Variants in KCNMB2 observed in about 807,000 individuals in gnomAD.
KCNMB2 encodes potassium calcium-activated channel subfamily M regulatory beta subunit 2, also known as calcium-activated potassium channel subunit beta-2.
KCNMB2 carries 9 observed loss-of-function variants against 24.5 expected under a neutral mutation model. The ratio of observed to expected loss-of-function variants is 0.37; its 90% confidence interval spans 0.22 to 0.64. The LOEUF (loss-of-function observed/expected upper bound fraction) is 0.64. Among genes scored for constraint, KCNMB2 ranks in the 30% least tolerant of loss-of-function variants. The pLI, the probability that KCNMB2 is intolerant of heterozygous loss-of-function variation, is 0.63. For synonymous variants in KCNMB2, 109 were observed against 104.4 expected (o/e 1.04, Z -0.27); for missense variants, 226 against 284.3 (o/e 0.79, Z 1.47).
intron 2 of KCNMB2, among the ~76,000 whole-genome samples, chr3:178,823,092 C>A (rs73183347): frequency 1.8e-4 from 28 of 152,296 alleles, no homozygotes; most frequent in Non-Finnish European, 3.5e-4. Flanking sequence ...AAGCTTTCAG[C>A]CCACTGGCTT....
chr3:178,823,776 A>C (rs1287869126), intron 2 of KCNMB2, among the ~76,000 whole-genome samples: 2 of 152,166 alleles, frequency 1.3e-5, no homozygotes, highest in African/African-American at 4.8e-5. Context: ...AACAACAGGC[A>C]TATCTTCCCT....
At chr3:178,833,058 TTTC>T (rs2108473334) in intron 4 of KCNMB2, among the ~76,000 whole-genome samples, 2 of 22,934 alleles carry the variant, frequency 8.7e-5, no homozygotes, top group East Asian at 3.3e-4. Flanking sequence ...CCAAAAATTA[TTTC>T]CACTTACTTC....
At chr3:178,768,096 T>G (rs1712198099) in intron 1 of KCNMB2, among the ~76,000 whole-genome samples, 1 of 152,044 alleles carries the variant, frequency 6.6e-6, no homozygotes, top group African/African-American at 2.4e-5. Context: ...GAAGATAGAT[T>G]CCCCCAGAAC....
At chr3:178,696,115 C>T (rs1161152076) in intron 1 of KCNMB2, among the ~76,000 whole-genome samples, 1 of 152,162 alleles carries the variant, frequency 6.6e-6, no homozygotes, top group Non-Finnish European at 1.5e-5. Flanking sequence ...CATATGGCAG[C>T]AGGAAGGAGA....
chr3:178,820,713 TA>T (rs1311216362), intron 2 of KCNMB2: 3 of 152,634 alleles, frequency 2.0e-5, no homozygotes, highest in African/African-American at 7.2e-5. Flanking sequence ...CTAGGTTGAC[TA>T]ATGCTTGGCG....
chr3:178,634,688 A>C (rs1306541413), intron 1 of KCNMB2, among the ~76,000 whole-genome samples: 1 of 152,088 alleles, frequency 6.6e-6, no homozygotes, highest in Middle Eastern at 3.2e-3. Context: ...ACAGAGCAAA[A>C]CCCAATGCTA....
chr3:178,804,139 AAAT>A (rs1168363839), intron 1 of KCNMB2, among the ~76,000 whole-genome samples: 1 of 152,182 alleles, frequency 6.6e-6, no homozygotes, highest in Non-Finnish European at 1.5e-5. Context: ...CCAAATTACA[AAAT>A]TGTGTAAAGT....
At chr3:178,830,116 T>C (rs1714997470) in intron 4 of KCNMB2, among the ~76,000 whole-genome samples, 1 of 152,176 alleles carries the variant, frequency 6.6e-6, no homozygotes, top group Non-Finnish European at 1.5e-5. Context: ...ACTTTCTTAC[T>C]TTCCTTTGTA....
intron 1 of KCNMB2, among the ~76,000 whole-genome samples, chr3:178,656,111 T>TA (rs1221902452): frequency 1.3e-5 from 2 of 152,190 alleles, no homozygotes; most frequent in Non-Finnish European, 2.9e-5. Context: ...AAAACAGGCT[T>TA]ACCTATCAAT....
At chr3:178,735,772 C>A (rs1416752809) in intron 1 of KCNMB2, among the ~76,000 whole-genome samples, 1 of 152,070 alleles carries the variant, frequency 6.6e-6, no homozygotes, top group Admixed American at 6.6e-5. Flanking sequence ...CAGAATCAGT[C>A]AGAAGTGCAA....
At chr3:178,811,441 T>C (rs1714188499) in intron 2 of KCNMB2, among the ~76,000 whole-genome samples, 1 of 152,218 alleles carries the variant, frequency 6.6e-6, no homozygotes, top group South Asian at 2.1e-4. Flanking sequence ...ATCCAAATGT[T>C]TGGAGACTTC....
At chr3:178,827,412 G>A (rs1418892105) in intron 3 of KCNMB2, among the ~76,000 whole-genome samples, 1 of 152,076 alleles carries the variant, frequency 6.6e-6, no homozygotes, top group Non-Finnish European at 1.5e-5. Context: ...TTACAAGATT[G>A]GATCACAATT....
At position 178,656,741 on chromosome 3, in the gene KCNMB2, C is replaced by T. The variant is rs9872596; in HGVS notation, c.-68+120030C>T. 5.9e-3 allele frequency among the ~76,000 whole-genome samples: 899 copies of T among 152,202 alleles called. 9 individuals carry two copies. Among genetic ancestry groups the T allele is most frequent in the African/African-American group, 0.02 (845 of 41,504 alleles). ...GAGCCGAGATCGCGCCACTGCCCTA[C>T]AGTCTTATCAACAAAACGAGACTCT... On this transcript the variant is annotated intron_variant, in intron 1 of 4. Coordinates refer to ENST00000452583, the MANE Select transcript of KCNMB2 (RefSeq NM_181361.3).
intron 1 of KCNMB2, among the ~76,000 whole-genome samples, chr3:178,714,237 C>T (rs1559985744): frequency 6.6e-6 from 1 of 152,096 alleles, no homozygotes; most frequent in Non-Finnish European, 1.5e-5. Flanking sequence ...TTCATTTATT[C>T]ATTGAGCAAA....
intron 1 of KCNMB2, among the ~76,000 whole-genome samples, chr3:178,733,773 C>A (rs2108369879): frequency 1.3e-5 from 2 of 152,268 alleles, no homozygotes; most frequent in South Asian, 4.1e-4. Flanking sequence ...GCCACCGCAC[C>A]CAGCCCTTAA....
At chr3:178,601,309 C>T (rs1490215153) in intron 1 of KCNMB2, among the ~76,000 whole-genome samples, 3 of 151,816 alleles carry the variant, frequency 2.0e-5, no homozygotes, top group Admixed American at 6.6e-5. Flanking sequence ...TAAACCTGCA[C>T]GCTCTGCACA....
rs144354440 is a variant in KCNMB2 at position 178,768,498 on chromosome 3, G to C, written c.-67-38845G>C. Among the ~76,000 whole-genome samples the C allele has an allele frequency of 2.3e-4, 35 of 151,994 alleles. No homozygotes were observed. The East Asian group carries it at 6.6e-3, about 29-fold the overall frequency. ...AATGATAATCTCAAATCAAAGAAAT[G>C]GTTTGAGAAAAAAATATATATTCAG... On this transcript the variant is annotated intron_variant, in intron 1 of 4. Transcript: ENST00000452583.
At chr3:178,800,222 TCAA>T (rs1471863264) in intron 1 of KCNMB2, among the ~76,000 whole-genome samples, 1 of 151,918 alleles carries the variant, frequency 6.6e-6, no homozygotes. Flanking sequence ...AAGAAAAGAA[TCAA>T]CAAAGTGAAG....
At chr3:178,647,396 T>C (rs1719957082) in intron 1 of KCNMB2, among the ~76,000 whole-genome samples, 1 of 152,208 alleles carries the variant, frequency 6.6e-6, no homozygotes, top group African/African-American at 2.4e-5. Flanking sequence ...AAAAAGAGTT[T>C]AGTTGCTTTC....
Sources: gnomAD v4.1 joint callset for allele counts (sites outside exome capture counted in the v4.1 genomes callset) on GRCh38, gnomAD v4.1.1 for gene constraint, MANE v1.5 for transcripts, NCBI Gene and HGNC (gene_info 2026-07-23, HGNC 2026-07-21) for gene names.